SEC63: variants seen among roughly 807,000 people sequenced by gnomAD.
SEC63 encodes the protein translocation protein SEC63 homolog.
In SEC63, 56 loss-of-function variants were observed where a neutral mutation model predicts 116.2. The observed-to-expected ratio is 0.48, with a 90% CI of 0.39 to 0.60. The LOEUF is 0.60. SEC63 is among the 20% of genes least tolerant of loss of function. SEC63 has a pLI of 0.00. For missense variants in SEC63, 668 were observed against 900.0 expected (o/e 0.74, Z 3.30); for synonymous variants, 273 against 294.6 (o/e 0.93, Z 0.75).
intron 10 of SEC63, 108 bp downstream of exon 10, chr6:107,906,340 G>T: frequency 8.5e-7 from 1 of 1,176,230 alleles, no homozygotes; most frequent in Non-Finnish European, 1.3e-6. Context: ...CCAGCCTCAG[G>T]TATTTCTTTA....
chr6:107,926,755 C>G (rs927725421), intron 2 of SEC63, among the ~76,000 whole-genome samples: 10 of 152,102 alleles, frequency 6.6e-5, no homozygotes, highest in Middle Eastern at 3.4e-3. Context: ...AGATTTAAAA[C>G]CAAGCAAGGC....
Position 107,953,532 on chromosome 6 carries a change from C to T in SEC63, c.124+4354G>A, listed in dbSNP as rs752777121. Among the ~76,000 whole-genome samples, 528 of 143,934 alleles carry T rather than the reference C, an allele frequency of 3.7e-3. 3 individuals are homozygous for T. Among genetic ancestry groups the T allele is most frequent in the Non-Finnish European group, 5.7e-3 (375 of 65,440 alleles). 94.4% of individuals were successfully genotyped at this position (143,934 alleles called of 152,430 possible). On this transcript the variant is annotated intron_variant, in intron 1 of 20. Coordinates refer to ENST00000369002, the MANE Select transcript of SEC63 (RefSeq NM_007214.5). ...GTCCGGGAGGGAGGTGGGGGGTCAG[C>T]CCCCCGCCCGGCCAGCCGCCCCGTC...
intron 8 of SEC63, 56 bp downstream of exon 8, chr6:107,908,871 C>T: frequency 2.1e-6 from 2 of 933,736 alleles, no homozygotes; most frequent in Non-Finnish European, 1.7e-6. Flanking sequence ...TATATCAACC[C>T]CACATAAGTC....
chr6:107,902,303 T>C (rs1302720530), intron 12 of SEC63, among the ~76,000 whole-genome samples: 4 of 150,948 alleles, frequency 2.6e-5, no homozygotes, highest in African/African-American at 9.9e-5. Context: ...CTCTGCTAGT[T>C]TTATCTATCA....
chr6:107,940,452 C>T (rs981911188), intron 1 of SEC63, among the ~76,000 whole-genome samples: 1 of 152,096 alleles, frequency 6.6e-6, no homozygotes, highest in Non-Finnish European at 1.5e-5. Flanking sequence ...TTGGACTATA[C>T]AATTCTTATA....
chr6:107,876,618 C>T lies in SEC63; in HGVS notation c.1980G>A (p.Glu660=), dbSNP rs1394372862. ...GATATGGCATGGATATTAATGTCTG[C>T]TCCTTCCTATCTGCAATGTAAAGCC... ...WWWLYIADRK[E]QTLISMPYHV... Residue 660 remains glutamate (E), a synonymous_variant, in exon 19 of 21, where the codon GAG becomes GAA. Transcript: ENST00000369002. 6.2e-7 allele frequency: 1 copy of T among 1,602,012 alleles called. No homozygotes were observed. The highest frequency in any genetic ancestry group is 8.5e-7 in the Non-Finnish European group (1 of 1,176,428).
chr6:107,897,156 G>A lies in SEC63; in HGVS notation c.1440+493C>T, dbSNP rs193250928. Among the ~76,000 whole-genome samples, 10 of 152,124 alleles carry A rather than the reference G, an allele frequency of 6.6e-5. No homozygotes were observed. In the East Asian group the frequency reaches 7.7e-4, roughly 12 times the overall value. ...GATGAGCCTCAAAACGAATCATCTC[G>A]AAGTGGTGGGATTTTAGGTAGTTTT... On this transcript the variant is annotated intron_variant, in intron 14 of 20. Coordinates refer to ENST00000369002, the MANE Select transcript of SEC63 (RefSeq NM_007214.5).
intron 19 of SEC63, among the ~76,000 whole-genome samples, chr6:107,874,458 C>CGT (rs1031509982): frequency 2.0e-5 from 3 of 151,424 alleles, no homozygotes; most frequent in Admixed American, 1.3e-4. Flanking sequence ...TAGCTGGGTG[C>CGT]AGTGGCGGGC....
intron 13 of SEC63, among the ~76,000 whole-genome samples, 180 bp from the exon 14 acceptor site, chr6:107,897,911 C>T (rs1166828833): frequency 6.6e-6 from 1 of 152,110 alleles, no homozygotes; most frequent in Non-Finnish European, 1.5e-5. Flanking sequence ...CCAGTAGATG[C>T]TTTTAACAAT....
intron 1 of SEC63, among the ~76,000 whole-genome samples, chr6:107,950,459 GCAGCA>G (rs1182373969): frequency 7.2e-5 from 11 of 152,254 alleles, no homozygotes; most frequent in African/African-American, 2.6e-4. Flanking sequence ...CCCTACAGCA[GCAGCA>G]CATACATTGT....
intron 16 of SEC63, among the ~76,000 whole-genome samples, chr6:107,886,745 T>A (rs921025050): frequency 6.6e-6 from 1 of 152,198 alleles, no homozygotes; most frequent in Non-Finnish European, 1.5e-5. Flanking sequence ...TCTTTGTAGA[T>A]TCTGGCTATC....
At chr6:107,917,851 G>A (rs1366274070) in intron 4 of SEC63, among the ~76,000 whole-genome samples, 1 of 152,220 alleles carries the variant, frequency 6.6e-6, no homozygotes, top group East Asian at 1.9e-4. Flanking sequence ...AGTGCAAGGT[G>A]AAGTAGCAAG....
chr6:107,902,907 A>G lies in SEC63; in HGVS notation c.1146T>C (p.Ser382=). The G allele has an allele frequency of 3.1e-6, 5 of 1,613,752 alleles. No individual in the cohort carries two copies. The highest frequency in any genetic ancestry group is 2.5e-6 in the Non-Finnish European group (3 of 1,179,686). Residue 382 remains serine, a synonymous_variant, in exon 12 of 21, where the codon TCT becomes TCC. Transcript: ENST00000369002. The stretch of plus-strand genomic sequence containing the variant: ...CAATATGAGGGAGCTGCAGAAGGGG[A>G]GACTTAAATTGCTGAAGTCCCTGAA... ...MAVQGLQQFK[S]PLLQLPHIEE...
intron 12 of SEC63, 104 bp from the exon 13 acceptor site, chr6:107,901,621 T>C: frequency 2.5e-6 from 2 of 795,666 alleles, no homozygotes; most frequent in Non-Finnish European, 4.0e-6. Flanking sequence ...CAGCAACTTT[T>C]AGAAAAGTGT....
chr6:107,881,685 T>C (rs1372150295), intron 17 of SEC63, among the ~76,000 whole-genome samples: 1 of 152,170 alleles, frequency 6.6e-6, no homozygotes, highest in Non-Finnish European at 1.5e-5. Flanking sequence ...AAGCCTCCCA[T>C]AAATTTCCTT....
Position 107,913,366 on chromosome 6 carries a change from C to T in SEC63, c.514G>A (p.Ala172Thr). The T allele has an allele frequency of 1.3e-6, 2 of 1,587,088 alleles. No homozygotes were observed. Among genetic ancestry groups the T allele is most frequent in the Non-Finnish European group, 1.7e-6 (2 of 1,155,528 alleles). The change falls in exon 5 of 21, where the codon GCC becomes ACC. Residue 172 changes from alanine to threonine, a missense_variant and splice_region_variant. Coordinates refer to ENST00000369002, the MANE Select transcript of SEC63 (RefSeq NM_007214.5). ...ATTTTAAAATCATCATTTACCACAC[C>T]TTGAGGCCCATCTGGATTTCCAAAT... ...EEFGNPDGPQ[A>T]TSFGIALPAW...
chr6:107,897,765 T>G, intron 13 of SEC63, 34 bp from the exon 14 acceptor site: 2 of 1,447,812 alleles, frequency 1.4e-6, no homozygotes, highest in Non-Finnish European at 1.9e-6. Flanking sequence ...CAGCAAAAAA[T>G]AAAAATCAAG....
intron 16 of SEC63, among the ~76,000 whole-genome samples, chr6:107,888,349 C>T (rs2818188): frequency 0.87 from 132,215 of 152,166 alleles, 57,604 homozygotes; most frequent in Middle Eastern, 0.92. Context: ...ATTCTCTTTG[C>T]AGCAATTGTG....
At chr6:107,910,563 T>C (rs372924261) in intron 7 of SEC63, among the ~76,000 whole-genome samples, 2 of 152,208 alleles carry the variant, frequency 1.3e-5, no homozygotes, top group African/African-American at 2.4e-5. Flanking sequence ...ATGCATGTCA[T>C]ACATATACAC....
Sources: allele counts gnomAD v4.1 joint callset (sites outside exome capture counted in the v4.1 genomes callset), GRCh38; gene constraint gnomAD v4.1.1; transcripts MANE v1.5; gene names NCBI Gene and HGNC (gene_info 2026-07-23, HGNC 2026-07-21).